The following SGTB variants were observed in gnomAD, a reference collection of about 807,000 sequenced individuals.
The protein encoded by SGTB is small glutamine-rich tetratricopeptide repeat-containing protein beta.
SGTB carries 19 observed loss-of-function variants against 43.9 expected under a neutral mutation model. That is an observed-to-expected ratio of 0.43 (90% confidence interval 0.30 to 0.63). The LOEUF is 0.63. Among genes scored for constraint, SGTB ranks in the 30% least tolerant of loss-of-function variants. The probability of loss-of-function intolerance (pLI) is 0.12; values close to 1 mark genes in which losing one functional copy is unlikely to be tolerated. For synonymous variants in SGTB, 116 were observed against 117.3 expected, an observed-to-expected ratio of 0.99 and a Z score of 0.07; for missense variants, 304 against 358.9, an observed-to-expected ratio of 0.85 and a Z score of 1.24.
intron 4 of SGTB, among the ~76,000 whole-genome samples, chr5:65,705,325 A>C (rs1029755315): frequency 2.0e-5 from 3 of 152,098 alleles, no homozygotes; most frequent in African/African-American, 7.2e-5. Flanking sequence ...GCAGTGGTAC[A>C]CACTTGTAGT....
At chr5:65,707,136 G>A (rs919654682) in intron 4 of SGTB, among the ~76,000 whole-genome samples, 8 of 151,352 alleles carry the variant, frequency 5.3e-5, no homozygotes, top group African/African-American at 1.7e-4. Flanking sequence ...GGTGGCACGC[G>A]CCTATGATCC....
intron 8 of SGTB, among the ~76,000 whole-genome samples, chr5:65,679,604 T>A (rs924571565): frequency 6.6e-6 from 1 of 151,516 alleles, no homozygotes; most frequent in African/African-American, 2.4e-5. Context: ...GTGACAAGAG[T>A]GAAACTCTGT....
intron 4 of SGTB, 66 bp from the exon 5 acceptor site, chr5:65,704,444 C>T: frequency 8.4e-7 from 1 of 1,185,274 alleles, no homozygotes; most frequent in Non-Finnish European, 1.2e-6. Flanking sequence ...CTCTTATAGA[C>T]ACATTTTAAT....
chr5:65,685,943 G>A (rs1394126094), intron 5 of SGTB, among the ~76,000 whole-genome samples: 1 of 152,124 alleles, frequency 6.6e-6, no homozygotes, highest in East Asian at 1.9e-4. Flanking sequence ...TCATTTCTAA[G>A]GCCAACTGTA....
intron 5 of SGTB, among the ~76,000 whole-genome samples, chr5:65,693,580 C>G (rs547556161): frequency 7.9e-5 from 12 of 152,086 alleles, no homozygotes; most frequent in African/African-American, 2.2e-4. Flanking sequence ...GACACACATA[C>G]ACGCTGCCAT....
At chr5:65,717,177 A>C (rs926203017) in intron 2 of SGTB, among the ~76,000 whole-genome samples, 2 of 152,188 alleles carry the variant, frequency 1.3e-5, no homozygotes, top group Non-Finnish European at 2.9e-5. Context: ...AGTGGTATAG[A>C]TTGAGAGATT....
intron 2 of SGTB, among the ~76,000 whole-genome samples, chr5:65,720,056 C>T (rs1382193188): frequency 2.0e-5 from 3 of 151,066 alleles, no homozygotes; most frequent in East Asian, 1.9e-4. Flanking sequence ...TATCTGCTTA[C>T]GCTATTTGGT....
chr5:65,699,230 T>C (rs1477524694), intron 5 of SGTB, among the ~76,000 whole-genome samples: 1 of 152,232 alleles, frequency 6.6e-6, no homozygotes, highest in African/African-American at 2.4e-5. Context: ...TAATGTCTTT[T>C]GCAGCAAGTT....
chr5:65,707,221 C>A (rs1757948907), intron 4 of SGTB, among the ~76,000 whole-genome samples: 1 of 151,566 alleles, frequency 6.6e-6, no homozygotes, highest in Admixed American at 6.6e-5. Flanking sequence ...CGAGATCCTG[C>A]CACTGCACTC....
At chr5:65,714,089 TACAA>T (rs1758103021) in intron 2 of SGTB, among the ~76,000 whole-genome samples, 1 of 152,088 alleles carries the variant, frequency 6.6e-6, no homozygotes, top group African/African-American at 2.4e-5. Flanking sequence ...GTACTCTCAC[TACAA>T]ACCTAAAATA....
intron 5 of SGTB, among the ~76,000 whole-genome samples, chr5:65,697,125 T>A (rs1047014585): frequency 5.3e-5 from 8 of 152,186 alleles, no homozygotes; most frequent in Non-Finnish European, 1.2e-4. Flanking sequence ...GAGATATTTA[T>A]AGCTACTAGA....
chr5:65,680,868 G>A (rs986565399), intron 6 of SGTB, 74 bp from the exon 7 acceptor site: 17 of 1,450,512 alleles, frequency 1.2e-5, no homozygotes, highest in Middle Eastern at 2.5e-4. Flanking sequence ...ATCGTCAAAC[G>A]TCTGTCTGTC....
rs531267664 is a variant in SGTB at position 65,699,187 on chromosome 5, T to C, written c.374+5092A>G. Among the ~76,000 whole-genome samples the C allele has an allele frequency of 2.6e-5, 4 of 152,320 alleles. No individual in the cohort carries two copies. In the South Asian group the frequency reaches 8.3e-4, roughly 32 times the overall value. On this transcript the variant is annotated intron_variant, in intron 5 of 10. Coordinates refer to ENST00000381007, the MANE Select transcript of SGTB (RefSeq NM_019072.3). ...AGATGTGGTATATATGTATATACTATGGAATACTACTCAGCCACAAAAAAG... is the reference window on the plus strand; with the variant it reads ...AGATGTGGTATATATGTATATACTACGGAATACTACTCAGCCACAAAAAAG...
chr5:65,694,287 C>T (rs892588565), intron 5 of SGTB, among the ~76,000 whole-genome samples: 2 of 151,920 alleles, frequency 1.3e-5, no homozygotes, highest in Non-Finnish European at 2.9e-5. Context: ...AAAAAATTAG[C>T]TGGGCATAGT....
intron 4 of SGTB, among the ~76,000 whole-genome samples, chr5:65,707,543 TCC>T (rs1757959064): frequency 6.6e-6 from 1 of 151,684 alleles, no homozygotes; most frequent in Non-Finnish European, 1.5e-5. Flanking sequence ...CAAGCAATTC[TCC>T]TGCCTCATCC....
intron 8 of SGTB, among the ~76,000 whole-genome samples, chr5:65,679,620 AAAAC>A (rs1302494460): frequency 1.3e-5 from 2 of 152,204 alleles, no homozygotes; most frequent in South Asian, 2.1e-4. Flanking sequence ...TCTGTCTCAA[AAAAC>A]AAACAAACAA....
rs547508883 is a variant in SGTB at position 65,701,077 on chromosome 5, C to A, written c.374+3202G>T. On this transcript the variant is annotated intron_variant, in intron 5 of 10. Coordinates refer to ENST00000381007, the MANE Select transcript of SGTB (RefSeq NM_019072.3). ...GGAATTACCCTTAACTAAAACCAAC[C>A]GACAGAAGCTACAGGAGTTATAGGA... Among the ~76,000 whole-genome samples, 403 of 149,580 alleles carry A rather than the reference C, an allele frequency of 2.7e-3. 4 individuals are homozygous for A. Among genetic ancestry groups the A allele is most frequent in the African/African-American group, 9.1e-3 (367 of 40,524 alleles).
intron 2 of SGTB, among the ~76,000 whole-genome samples, chr5:65,714,971 C>T (rs191612815): frequency 6.6e-6 from 1 of 152,264 alleles, no homozygotes; most frequent in East Asian, 1.9e-4. Flanking sequence ...AAAAGTCTGG[C>T]AGGAACATTG....
chr5:65,716,262 C>A (rs1382507673), intron 2 of SGTB, among the ~76,000 whole-genome samples: 1 of 152,086 alleles, frequency 6.6e-6, no homozygotes, highest in Admixed American at 6.5e-5. Context: ...ATGGCTGAAG[C>A]CAAATGAGAA....
Sources: allele counts gnomAD v4.1 joint callset (sites outside exome capture counted in the v4.1 genomes callset), GRCh38; gene constraint gnomAD v4.1.1; transcripts MANE v1.5; gene names NCBI Gene and HGNC (gene_info 2026-07-23, HGNC 2026-07-21).